EYS: variants seen among roughly 807,000 people sequenced by gnomAD.
EYS encodes protein eyes shut homolog.
Under a neutral mutation model 282.1 loss-of-function variants are expected in EYS, and 250 were observed. That is an observed-to-expected ratio of 0.89 (90% confidence interval 0.80 to 0.98). The LOEUF (loss-of-function observed/expected upper bound fraction) is 0.98. EYS is among the 50% of genes least tolerant of loss of function. EYS has a pLI of 0.00. For missense variants in EYS, 4,016 were observed against 3,709.0 expected, an observed-to-expected ratio of 1.08 and a Z score of -2.15; for synonymous variants, 1,355 against 1,282.9, an observed-to-expected ratio of 1.06 and a Z score of -1.20.
intron 35 of EYS, among the ~76,000 whole-genome samples, chr6:63,931,496 T>C (rs1764893308): frequency 6.6e-6 from 1 of 152,226 alleles, no homozygotes; most frequent in Admixed American, 6.5e-5. Flanking sequence ...GCAATGTAGT[T>C]TTGCTATAAA....
chr6:63,723,788 C>CATTATTATTATTATTATT (rs57873412), intron 42 of EYS, among the ~76,000 whole-genome samples: 1 of 138,182 alleles, frequency 7.2e-6, no homozygotes, highest in East Asian at 2.1e-4. Context: ...TACACATTGG[C>CATTATTATTATTATTATT]ATTATTATTA....
chr6:64,990,340 T>A (rs1383106421), intron 14 of EYS, among the ~76,000 whole-genome samples: 1 of 151,552 alleles, frequency 6.6e-6, no homozygotes, highest in Non-Finnish European at 1.5e-5. Context: ...AAATGTTTTC[T>A]AGGAAAAAAA....
chr6:65,186,611 A>G (rs1765522515), intron 12 of EYS, among the ~76,000 whole-genome samples: 1 of 151,830 alleles, frequency 6.6e-6, no homozygotes, highest in Non-Finnish European at 1.5e-5. Flanking sequence ...AAATGAGATG[A>G]TAGAATTCAC....
intron 33 of EYS, among the ~76,000 whole-genome samples, chr6:64,051,178 A>T (rs574259333): frequency 7.9e-5 from 12 of 152,194 alleles, no homozygotes; most frequent in Non-Finnish European, 1.8e-4. Context: ...TGCTTCATTC[A>T]TTTGAGAAAT....
intron 19 of EYS, among the ~76,000 whole-genome samples, chr6:64,860,426 A>G (rs1490296948): frequency 6.6e-6 from 1 of 152,202 alleles, no homozygotes; most frequent in East Asian, 1.9e-4. Context: ...AGCCAGGCAC[A>G]CTGGCTGTGG....
intron 2 of EYS, among the ~76,000 whole-genome samples, chr6:65,517,428 A>T (rs1214081328): frequency 6.6e-6 from 1 of 151,952 alleles, no homozygotes; most frequent in African/African-American, 2.4e-5. Flanking sequence ...TCATCACTCA[A>T]AAATCTTTCA....
chr6:64,460,975 A>T (rs1361436758), intron 26 of EYS, among the ~76,000 whole-genome samples: 1 of 152,220 alleles, frequency 6.6e-6, no homozygotes, highest in Non-Finnish European at 1.5e-5. Flanking sequence ...ACAGACAAAG[A>T]CTATGCAAAT....
At position 64,271,903 on chromosome 6, in the gene EYS, G is replaced by C. The variant is rs192530637; in HGVS notation, c.6191+35067C>G. On this transcript the variant is annotated intron_variant, in intron 30 of 42. Coordinates refer to ENST00000503581, the MANE Select transcript of EYS (RefSeq NM_001142800.2). Reference sequence around the variant, plus strand: ...CTCCCACGCTGGAGTGCAATGGCGTGATCTCAGCTCACTGCAACCTCTGTG... The same window carrying C: ...CTCCCACGCTGGAGTGCAATGGCGTCATCTCAGCTCACTGCAACCTCTGTG... 2.0e-5 allele frequency among the ~76,000 whole-genome samples: 3 copies of C among 152,188 alleles called. No individual in the cohort carries two copies. In the East Asian group the frequency reaches 5.8e-4, roughly 29 times the overall value.
intron 29 of EYS, among the ~76,000 whole-genome samples, chr6:64,320,699 C>CCTGA (rs70999144): frequency 0.72 from 108,198 of 150,970 alleles, 38,954 homozygotes; most frequent in African/African-American, 0.79. Flanking sequence ...TCATTTTTAT[C>CCTGA]CTATTGGCCA....
chr6:64,871,712 C>A (rs951015535), intron 19 of EYS, among the ~76,000 whole-genome samples: 6 of 152,000 alleles, frequency 3.9e-5, no homozygotes, highest in African/African-American at 1.4e-4. Context: ...CAGCTCCTCC[C>A]AAACTCTGTA....
intron 31 of EYS, among the ~76,000 whole-genome samples, chr6:64,185,946 T>C (rs1232927942): frequency 6.6e-6 from 1 of 152,172 alleles, no homozygotes; most frequent in Non-Finnish European, 1.5e-5. Context: ...CCTAGACTCA[T>C]CTAAGGCTCT....
chr6:64,847,025 C>G (rs561268586), intron 19 of EYS, among the ~76,000 whole-genome samples: 1 of 151,802 alleles, frequency 6.6e-6, no homozygotes, highest in South Asian at 2.1e-4. Flanking sequence ...GAATGAATGC[C>G]CATCATCCAA....
At chr6:64,943,491 G>A (rs1246337114) in intron 15 of EYS, among the ~76,000 whole-genome samples, 3 of 151,978 alleles carry the variant, frequency 2.0e-5, no homozygotes, top group African/African-American at 7.2e-5. Context: ...ACACAAAATC[G>A]ATGTATACAA....
intron 26 of EYS, among the ~76,000 whole-genome samples, chr6:64,522,026 G>C (rs746250518): frequency 6.6e-6 from 1 of 151,810 alleles, no homozygotes; most frequent in African/African-American, 2.4e-5. Flanking sequence ...TATGTGGACA[G>C]TAAGCAGTCC....
chr6:65,694,774 A>C (rs2149847201), intron 1 of EYS, among the ~76,000 whole-genome samples: 1 of 150,380 alleles, frequency 6.6e-6, no homozygotes, highest in Non-Finnish European at 1.5e-5. Context: ...TAAAACCCTT[A>C]GCCATTTATA....
In EYS at chr6:65,335,036, A is replaced by T. The variant is rs1203253881; in HGVS notation, c.1710T>A (p.Asp570Glu). ...CTTCATGTTGACACTCATTTTCTTG[A>T]TCATCAGTTGTATTTTCCAGATACA... Reference protein sequence around the residue: ...GNMYLENTTDDQENECQHEAV... With the variant: ...GNMYLENTTDEQENECQHEAV... The change falls in exon 11 of 43, where the codon GAT becomes GAA. Residue 570 changes from aspartate (D) to glutamate (E), a missense_variant. Physicochemically the swap from Asp to Glu is conservative, Grantham distance 45 (BLOSUM62 2). Coordinates refer to ENST00000503581, the MANE Select transcript of EYS (RefSeq NM_001142800.2). 1 of 1,611,500 alleles carries T rather than the reference A, an allele frequency of 6.2e-7. No individual in the cohort carries two copies. The highest frequency in any genetic ancestry group is 8.5e-7 in the Non-Finnish European group (1 of 1,178,398).
chr6:64,813,985 A>T (rs537286447), intron 21 of EYS, among the ~76,000 whole-genome samples: 1 of 152,162 alleles, frequency 6.6e-6, no homozygotes, highest in African/African-American at 2.4e-5. Flanking sequence ...GTAATGATTA[A>T]TAGTACTTCC....
chr6:63,875,100 C>T (rs1772932695), intron 35 of EYS, among the ~76,000 whole-genome samples: 1 of 152,152 alleles, frequency 6.6e-6, no homozygotes, highest in Non-Finnish European at 1.5e-5. Flanking sequence ...ATGATATTGG[C>T]TGTGGGTTTG....
chr6:64,411,899 GTA>G lies in EYS; in HGVS notation c.5928-23061_5928-23060del, dbSNP rs756036566. Among the ~76,000 whole-genome samples the G allele has an allele frequency of 3.2e-4, 49 of 151,056 alleles. 1 individual carries two copies. Among genetic ancestry groups the G allele is most frequent in the Non-Finnish European group, 6.3e-4 (43 of 67,750 alleles). Reference sequence around the variant, plus strand: ...GTATGTAATATATACACATATATATGTATATATGTTTATATATGCATGCATGT... The same window carrying G: ...GTATGTAATATATACACATATATATGTATATGTTTATATATGCATGCATGT... On this transcript the variant is annotated intron_variant, in intron 28 of 42. Coordinates refer to ENST00000503581, the MANE Select transcript of EYS (RefSeq NM_001142800.2).
Sources: gnomAD v4.1 joint callset for allele counts (sites outside exome capture counted in the v4.1 genomes callset) on GRCh38, gnomAD v4.1.1 for gene constraint, MANE v1.5 for transcripts, NCBI Gene and HGNC (gene_info 2026-07-23, HGNC 2026-07-21) for gene names.